The following ARB2A variants were observed in gnomAD, a reference collection of about 807,000 sequenced individuals.
ARB2A encodes ARB2 cotranscriptional regulator A.
the ARB2A span, among the ~76,000 whole-genome samples, chr5:93,918,339 C>T: frequency 6.6e-6 from 1 of 151,824 alleles, no homozygotes; most frequent in South Asian, 2.1e-4. Context: ...AAGTGATGTC[C>T]ACTTATTAGA....
At chr5:93,982,206 T>A in the ARB2A span, among the ~76,000 whole-genome samples, 1 of 152,192 alleles carries the variant, frequency 6.6e-6, no homozygotes, top group East Asian at 1.9e-4. Context: ...TTGTCAGGTC[T>A]CATTTTTCTG....
At chr5:94,083,522 G>C in the ARB2A span, among the ~76,000 whole-genome samples, 7 of 152,046 alleles carry the variant, frequency 4.6e-5, no homozygotes, top group African/African-American at 1.7e-4. Context: ...ACGTCTGTAA[G>C]CTGACAAAAA....
At chr5:93,824,806 A>T in the ARB2A span, among the ~76,000 whole-genome samples, 27 of 152,236 alleles carry the variant, frequency 1.8e-4, no homozygotes, top group Non-Finnish European at 3.4e-4. Context: ...GAACTCTCTG[A>T]TGAAGCTTTC....
At chr5:94,011,885 A>T in the ARB2A span, among the ~76,000 whole-genome samples, 23 of 144,266 alleles carry the variant, frequency 1.6e-4, no homozygotes, top group Admixed American at 2.8e-4. Context: ...GAGTGATTTA[A>T]AAAAAAAAAA....
the ARB2A span, among the ~76,000 whole-genome samples, chr5:94,097,572 T>G: frequency 2.0e-5 from 3 of 152,188 alleles, no homozygotes; most frequent in African/African-American, 7.2e-5. Flanking sequence ...AATCTCTCTC[T>G]TTGCCTGCTG....
At chr5:93,628,563 G>T in the ARB2A span, among the ~76,000 whole-genome samples, 1 of 152,170 alleles carries the variant, frequency 6.6e-6, no homozygotes, top group African/African-American at 2.4e-5. Context: ...TTGAAAATCT[G>T]TTATTTAGTG....
chr5:93,940,489 T>C, the ARB2A span, among the ~76,000 whole-genome samples: 2 of 152,082 alleles, frequency 1.3e-5, no homozygotes, highest in Middle Eastern at 3.7e-3. Context: ...TAACTTATAA[T>C]TAGGTATTAG....
At chr5:93,971,156 G>A in the ARB2A span, among the ~76,000 whole-genome samples, 3 of 151,728 alleles carry the variant, frequency 2.0e-5, no homozygotes, top group Non-Finnish European at 4.4e-5. Context: ...CCACGACCAC[G>A]CTCAGCTAAT....
chr5:93,918,882 C>T, the ARB2A span, among the ~76,000 whole-genome samples: 1 of 152,168 alleles, frequency 6.6e-6, no homozygotes, highest in East Asian at 1.9e-4. Flanking sequence ...ACCTGGGATG[C>T]TTTAAAATAC....
the ARB2A span, chr5:93,740,886 C>T: frequency 4.3e-6 from 7 of 1,613,904 alleles, no homozygotes; most frequent in South Asian, 4.4e-5. Context: ...GGAAGAATTT[C>T]TCCAGGCTGT....
At chr5:93,765,289 G>C in the ARB2A span, among the ~76,000 whole-genome samples, 2 of 152,170 alleles carry the variant, frequency 1.3e-5, no homozygotes, top group Non-Finnish European at 2.9e-5. Flanking sequence ...TGTATATCTA[G>C]AAAACCCCAT....
At chr5:94,002,610 T>G in the ARB2A span, among the ~76,000 whole-genome samples, 8 of 152,128 alleles carry the variant, frequency 5.3e-5, no homozygotes, top group African/African-American at 1.9e-4. Flanking sequence ...AAAAGCCTTG[T>G]TGCTTTAAAA....
At chr5:94,021,327 C>T in the ARB2A span, among the ~76,000 whole-genome samples, 1 of 152,166 alleles carries the variant, frequency 6.6e-6, no homozygotes, top group Admixed American at 6.5e-5. Context: ...ATTACTAGAT[C>T]CTACTGCCAC....
At chr5:93,879,638 CAG>C in the ARB2A span, among the ~76,000 whole-genome samples, 1 of 151,282 alleles carries the variant, frequency 6.6e-6, no homozygotes, top group African/African-American at 2.4e-5. Flanking sequence ...ATGTGAAAAA[CAG>C]AATAAAGAAA....
chr5:93,671,146 T>C, the ARB2A span, among the ~76,000 whole-genome samples: 1 of 152,164 alleles, frequency 6.6e-6, no homozygotes, highest in Non-Finnish European at 1.5e-5. Context: ...TTCAACAGGG[T>C]ACTGGTAATT....
the ARB2A span, among the ~76,000 whole-genome samples, chr5:93,776,630 T>C: frequency 1.3e-5 from 2 of 151,960 alleles, no homozygotes; most frequent in African/African-American, 4.8e-5. Flanking sequence ...ATACAAAAAT[T>C]AGCCTGGCGT....
At chr5:93,644,809 T>C in the ARB2A span, among the ~76,000 whole-genome samples, 2 of 152,202 alleles carry the variant, frequency 1.3e-5, no homozygotes, top group African/African-American at 4.8e-5. Flanking sequence ...TGTGCCACGG[T>C]GATATGATAT....
chr5:93,723,506 A>G, the ARB2A span, among the ~76,000 whole-genome samples: 3 of 152,102 alleles, frequency 2.0e-5, no homozygotes, highest in Non-Finnish European at 4.4e-5. Flanking sequence ...ACTAAAAGCA[A>G]TGTGTGTTTG....
chr5:93,831,299 T>A, the ARB2A span, among the ~76,000 whole-genome samples: 14 of 136,498 alleles, frequency 1.0e-4, no homozygotes, highest in South Asian at 2.4e-4. Flanking sequence ...ACTCCGCTGC[T>A]AAAAAAAAAA....
Sources: allele counts gnomAD v4.1 joint callset (sites outside exome capture counted in the v4.1 genomes callset), GRCh38; gene constraint gnomAD v4.1.1; transcripts MANE v1.5; gene names NCBI Gene and HGNC (gene_info 2026-07-23, HGNC 2026-07-21).